Variants in RBFOX1 observed in about 807,000 individuals in gnomAD.
RBFOX1 encodes the protein RNA binding protein fox-1 homolog 1.
A neutral mutation model predicts 57.7 loss-of-function variants in RBFOX1; 8 were observed. The observed-to-expected ratio is 0.14, with a 90% CI of 0.08 to 0.25. The LOEUF is 0.25. Ranked by LOEUF, RBFOX1 falls within the 10% of genes least tolerant of loss-of-function variation. RBFOX1 has a pLI of 1.00. For synonymous variants in RBFOX1, 326 were observed against 222.4 expected (o/e 1.47, Z -4.15); for missense variants, 611 against 548.5 (o/e 1.11, Z -1.14).
intron 2 of RBFOX1, among the ~76,000 whole-genome samples, chr16:6,651,554 C>A (rs984133559): frequency 5.9e-5 from 9 of 152,036 alleles, no homozygotes; most frequent in Non-Finnish European, 1.2e-4. Context: ...TGAGTGAAAC[C>A]CACAAGTGCC....
rs116764366 is a variant in RBFOX1 at position 5,631,041 on chromosome 16, C to T, written c.318+32080C>T. ...GTCGCACTTGTATCTAGAGGTTGTC[C>T]ACAACAGATGGCCAAACCAGTCCCC... On this transcript the variant is annotated intron_variant, in intron 3 of 19. Transcript: ENST00000641259. 7.5e-3 allele frequency among the ~76,000 whole-genome samples: 1,139 copies of T among 152,262 alleles called. 12 individuals carry two copies. Among genetic ancestry groups the T allele is most frequent in the African/African-American group, 0.026 (1,096 of 41,540 alleles).
intron 4 of RBFOX1, among the ~76,000 whole-genome samples, chr16:7,322,917 T>C (rs2096564327): frequency 6.6e-6 from 1 of 152,212 alleles, no homozygotes; most frequent in South Asian, 2.1e-4. Context: ...CATGTACCTC[T>C]GACTTTCTCT....
intron 1 of RBFOX1, among the ~76,000 whole-genome samples, chr16:5,256,425 T>C (rs1306324998): frequency 6.6e-6 from 1 of 152,204 alleles, no homozygotes; most frequent in Non-Finnish European, 1.5e-5. Flanking sequence ...TCTGTGTGTC[T>C]GCAAAGCCTC....
At chr16:7,086,753 G>C (rs1458068576) in intron 4 of RBFOX1, among the ~76,000 whole-genome samples, 1 of 28,820 alleles carries the variant, frequency 3.5e-5, no homozygotes, top group Admixed American at 2.8e-4. Flanking sequence ...TTAAAATTTG[G>C]TCTTCTAATG....
At chr16:6,180,452 A>G (rs534163398) in intron 1 of RBFOX1, among the ~76,000 whole-genome samples, 2 of 150,328 alleles carry the variant, frequency 1.3e-5, no homozygotes, top group South Asian at 4.2e-4. Flanking sequence ...TTTCTATTCT[A>G]TAAAATTGGT....
chr16:7,351,045 A>G (rs1380100643), intron 4 of RBFOX1, among the ~76,000 whole-genome samples: 1 of 152,212 alleles, frequency 6.6e-6, no homozygotes, highest in African/African-American at 2.4e-5. Flanking sequence ...GTTTTCCATC[A>G]CAGGACAGTT....
At position 5,582,547 on chromosome 16, in the gene RBFOX1, CTTTTTTTTTTTT is replaced by C. The variant is rs57853959; in HGVS notation, c.259-16341_259-16330del. Among the ~76,000 whole-genome samples, 34 of 92,838 alleles carry C rather than the reference CTTTTTTTTTTTT, an allele frequency of 3.7e-4. 1 individual carries two copies. The highest frequency in any genetic ancestry group is 1.6e-3 in the Admixed American group (12 of 7,642). The allele number at this position is 92,838 out of a possible 152,430, so 60.9% of individuals were successfully genotyped here. ...ACCCAGGCATTTTCAAAGCACGTCA[CTTTTTTTTTTTT>C]TTTTTTTTTTTTTAAACGGAGTCTT... On this transcript the variant is annotated intron_variant, in intron 2 of 2. Transcript: ENST00000585867.
At chr16:6,928,607 C>T (rs942699401) in intron 3 of RBFOX1, among the ~76,000 whole-genome samples, 2 of 152,050 alleles carry the variant, frequency 1.3e-5, no homozygotes, top group African/African-American at 4.8e-5. Flanking sequence ...TTACAGTTAC[C>T]CTGTAGCTCC....
chr16:6,923,469 G>A (rs2074931091), intron 3 of RBFOX1, among the ~76,000 whole-genome samples: 1 of 152,168 alleles, frequency 6.6e-6, no homozygotes, highest in Admixed American at 6.5e-5. Context: ...GGAGGTGGAG[G>A]AGGCAGTGAG....
At chr16:7,620,630 G>A (rs934659345) in intron 10 of RBFOX1, among the ~76,000 whole-genome samples, 3 of 152,184 alleles carry the variant, frequency 2.0e-5, no homozygotes, top group Non-Finnish European at 2.9e-5. Flanking sequence ...GGTGTTTCCT[G>A]CCAGATGGCA....
intron 2 of RBFOX1, among the ~76,000 whole-genome samples, chr16:6,532,636 C>G (rs1469290956): frequency 1.3e-5 from 2 of 152,138 alleles, no homozygotes; most frequent in African/African-American, 4.8e-5. Context: ...ATCGTCTCTT[C>G]TCGAGATTTC....
chr16:5,892,177 G>T (rs1186083147), intron 4 of RBFOX1, among the ~76,000 whole-genome samples: 1 of 152,156 alleles, frequency 6.6e-6, no homozygotes, highest in Non-Finnish European at 1.5e-5. Context: ...GAAAAAGCAG[G>T]ACAGAGAGAG....
chr16:6,732,991 C>G (rs972323879), intron 3 of RBFOX1, among the ~76,000 whole-genome samples: 5 of 152,094 alleles, frequency 3.3e-5, no homozygotes, highest in African/African-American at 1.2e-4. Context: ...ATTATAATTT[C>G]TTTATTGGCA....
intron 3 of RBFOX1, among the ~76,000 whole-genome samples, chr16:6,964,827 G>C (rs2083756928): frequency 1.3e-5 from 2 of 152,124 alleles, no homozygotes; most frequent in African/African-American, 4.8e-5. Context: ...GTCTAAAAGA[G>C]CCTGGTTGAA....
intron 4 of RBFOX1, among the ~76,000 whole-genome samples, chr16:7,514,384 C>T (rs779299671): frequency 1.3e-5 from 2 of 152,210 alleles, no homozygotes; most frequent in Admixed American, 6.5e-5. Flanking sequence ...CACATATTCA[C>T]TTGGCAAACA....
intron 3 of RBFOX1, among the ~76,000 whole-genome samples, chr16:7,029,117 CACACAT>C (rs1446459445): frequency 8.8e-5 from 7 of 79,734 alleles, no homozygotes; most frequent in South Asian, 4.6e-4. Flanking sequence ...CACACACACA[CACACAT>C]ATACGTATAT....
intron 9 of RBFOX1, among the ~76,000 whole-genome samples, chr16:7,606,415 C>G (rs940861056): frequency 1.3e-5 from 2 of 152,312 alleles, no homozygotes; most frequent in Non-Finnish European, 2.9e-5. Context: ...GCCACTTCAC[C>G]CAGCCCGCAC....
At chr16:5,746,220 G>C (rs559217259) in intron 3 of RBFOX1, among the ~76,000 whole-genome samples, 1 of 152,220 alleles carries the variant, frequency 6.6e-6, no homozygotes, top group East Asian at 1.9e-4. Flanking sequence ...TCTTGTTTTT[G>C]TCAGGTTTGT....
intron 4 of RBFOX1, among the ~76,000 whole-genome samples, chr16:7,462,227 A>C (rs1002295255): frequency 6.6e-6 from 1 of 152,226 alleles, no homozygotes; most frequent in East Asian, 1.9e-4. Flanking sequence ...TTGCTGTTTT[A>C]ATGGCTGCTG....
Sources: allele counts gnomAD v4.1 joint callset (sites outside exome capture counted in the v4.1 genomes callset), GRCh38; gene constraint gnomAD v4.1.1; transcripts MANE v1.5; gene names NCBI Gene and HGNC (gene_info 2026-07-23, HGNC 2026-07-21).